Variants in CACNA1B observed in about 807,000 individuals in gnomAD.
CACNA1B encodes the protein voltage-dependent N-type calcium channel subunit alpha-1B.
A neutral mutation model predicts 247.2 loss-of-function variants in CACNA1B; 70 were observed. That is an observed-to-expected ratio of 0.28 (90% CI 0.23 to 0.35). The LOEUF (loss-of-function observed/expected upper bound fraction) is 0.35. Among genes scored for constraint, CACNA1B ranks in the 10% least tolerant of loss-of-function variants. The probability of loss-of-function intolerance (pLI) is 1.00; values close to 1 mark genes in which losing one functional copy is unlikely to be tolerated. For missense variants in CACNA1B, 2,367 were observed against 3,197.4 expected, an observed-to-expected ratio of 0.74 and a Z score of 6.26; for synonymous variants, 1,231 against 1,294.4, an observed-to-expected ratio of 0.95 and a Z score of 1.05.
In CACNA1B at chr9:138,050,021, C is replaced by G; in HGVS notation, c.3710+706C>G. 2.4e-6 allele frequency: 3 copies of G among 1,273,064 alleles called. No homozygotes were observed. The highest frequency in any genetic ancestry group is 3.1e-6 in the Non-Finnish European group (3 of 973,588). The allele number at this position is 1,273,064 out of a possible 1,614,324, so 78.9% of individuals were successfully genotyped here. The stretch of plus-strand genomic sequence containing the variant: ...TCTCTCTGAGCGGCTGGGAGGGCTG[C>G]TCCTGGTGCCACTGACTCTGTTCTC... On this transcript the variant is annotated intron_variant, in intron 24 of 46. Transcript: ENST00000371372. The surrounding 1 kb of genome is among the most constrained non-coding windows in gnomAD (Gnocchi z 5.2).
At chr9:138,112,862 GT>G (rs1961693473) in intron 40 of CACNA1B, among the ~76,000 whole-genome samples, 1 of 142,394 alleles carries the variant, frequency 7.0e-6, no homozygotes, top group African/African-American at 2.6e-5. Context: ...ACTCCATCTT[GT>G]GAGAGACGTG....
At chr9:138,065,442 A>T (rs1959882487) in intron 31 of CACNA1B, among the ~76,000 whole-genome samples, 1 of 152,136 alleles carries the variant, frequency 6.6e-6, no homozygotes, top group African/African-American at 2.4e-5. Flanking sequence ...TTCAGGCAAG[A>T]CAAAGTGAGG....
At chr9:137,941,599 C>T (rs192268491) in intron 6 of CACNA1B, among the ~76,000 whole-genome samples, 1 of 152,246 alleles carries the variant, frequency 6.6e-6, no homozygotes, top group African/African-American at 2.4e-5. Context: ...CAACCTCAAA[C>T]TATAGTATAA....
intron 15 of CACNA1B, among the ~76,000 whole-genome samples, chr9:137,992,226 C>T (rs1958439506): frequency 6.6e-6 from 1 of 152,066 alleles, no homozygotes; most frequent in Non-Finnish European, 1.5e-5. Context: ...CTTACATAAA[C>T]TTAAAGGGGT....
chr9:138,059,571 A>G lies in CACNA1B; in HGVS notation c.4585-83A>G, dbSNP rs1333221573. 11 of 841,868 alleles carry G rather than the reference A, an allele frequency of 1.3e-5. No homozygotes were observed. The highest frequency in any genetic ancestry group is 2.1e-5 in the Non-Finnish European group (10 of 487,670). 52.1% of individuals were successfully genotyped at this position (841,868 alleles called of 1,614,324 possible). On this transcript the variant is annotated intron_variant, in intron 30 of 46. Transcript: ENST00000371372. This position sits in a 1 kb window ranked among gnomAD's most constrained non-coding sequence, Gnocchi z 4.2. The stretch of plus-strand genomic sequence containing the variant: ...GTCTATCACCCTCACCGCTTTCTTA[A>G]TCAGGGCCACCACCTATATATACCT...
Position 138,121,900 on chromosome 9 carries a change from C to A in CACNA1B, c.6921C>A (p.Leu2307=). The A allele has an allele frequency of 6.2e-7, 1 of 1,612,346 alleles. No individual in the cohort carries two copies. Among genetic ancestry groups the A allele is most frequent in the Non-Finnish European group, 8.5e-7 (1 of 1,179,856 alleles). ...CCCTGACCTCCCAGTCTCACCCTCT[C>A]CGCCGCGTGCCCAACGGTTACCACT... ...VSSLTSQSHP[L]RRVPNGYHCT... is the part of the protein sequence containing the mutation. The change falls in exon 47 of 47, where the codon CTC becomes CTA. Residue 2307 remains leucine (L), a synonymous_variant. Coordinates refer to ENST00000371372, the MANE Select transcript of CACNA1B (RefSeq NM_000718.4). The surrounding 1 kb of genome is among the most constrained non-coding windows in gnomAD (Gnocchi z 6.8).
chr9:138,107,687 T>TA (rs1329515168), intron 39 of CACNA1B, among the ~76,000 whole-genome samples: 3 of 151,434 alleles, frequency 2.0e-5, no homozygotes, highest in African/African-American at 7.3e-5. Flanking sequence ...GTGATCAGGT[T>TA]AAAAAAAAGA....
chr9:137,900,879 G>A (rs1009655289), intron 3 of CACNA1B, among the ~76,000 whole-genome samples: 5 of 141,526 alleles, frequency 3.5e-5, no homozygotes, highest in Non-Finnish European at 7.6e-5. Context: ...CCTTGTGTCC[G>A]TGTGTCTGTG....
intron 6 of CACNA1B, among the ~76,000 whole-genome samples, chr9:137,945,260 A>G (rs900904340): frequency 6.6e-6 from 1 of 152,238 alleles, no homozygotes; most frequent in Non-Finnish European, 1.5e-5. Context: ...GCAGGGAATC[A>G]GAGGGAATGG....
At chr9:138,086,613 A>G (rs1960701021) in intron 36 of CACNA1B, among the ~76,000 whole-genome samples, 1 of 151,310 alleles carries the variant, frequency 6.6e-6, no homozygotes, top group Admixed American at 6.6e-5. Context: ...AAATACAACA[A>G]TTGTCAATAT....
chr9:137,972,054 T>A (rs1171732124), intron 11 of CACNA1B, among the ~76,000 whole-genome samples: 4 of 152,010 alleles, frequency 2.6e-5, no homozygotes, highest in Non-Finnish European at 5.9e-5. Context: ...CTTCTTACCC[T>A]CCCCAGGTTC....
rs1957454862 is a variant in CACNA1B, at chr9:137,919,647, G to A, written c.966+2216G>A. ...GACTTTTGTGGCCCCTCGGATATAC[G>A]CTCCTTCAAGCAATGACATCTGGGT... is the stretch of plus-strand genomic sequence containing the variant. On this transcript the variant is annotated intron_variant, in intron 6 of 46. Coordinates refer to ENST00000371372, the MANE Select transcript of CACNA1B (RefSeq NM_000718.4). The surrounding 1 kb of genome is among the most constrained non-coding windows in gnomAD (Gnocchi z 4.6). Among the ~76,000 whole-genome samples, 2 of 152,220 alleles carry A rather than the reference G, an allele frequency of 1.3e-5. No homozygotes were observed. The highest frequency in any genetic ancestry group is 6.5e-5 in the Admixed American group (1 of 15,284).
intron 6 of CACNA1B, among the ~76,000 whole-genome samples, chr9:137,949,317 A>C (rs1957849634): frequency 2.7e-4 from 1 of 3,702 alleles, no homozygotes; most frequent in East Asian, 7.7e-3. Flanking sequence ...TGTGTGGTGT[A>C]CGTATGGTGT....
intron 20 of CACNA1B, among the ~76,000 whole-genome samples, chr9:138,029,940 C>T (rs1350893256): frequency 1.3e-5 from 2 of 152,124 alleles, no homozygotes; most frequent in Non-Finnish European, 2.9e-5. Flanking sequence ...TCAAAATTAA[C>T]TATGTAATTT....
At chr9:138,023,862 C>T (rs1201903403) in intron 19 of CACNA1B, 51 bp downstream of exon 19, 2 of 928,830 alleles carry the variant, frequency 2.2e-6, no homozygotes, top group East Asian at 2.7e-5. Flanking sequence ...GCCGGGGCGG[C>T]GCGGGCCCCA....
intron 16 of CACNA1B, among the ~76,000 whole-genome samples, chr9:138,008,867 G>T (rs1049534570): frequency 1.4e-4 from 21 of 152,380 alleles, no homozygotes; most frequent in Admixed American, 1.1e-3. Context: ...GAGACCAAGG[G>T]TGCTGCCTGC....
intron 3 of CACNA1B, among the ~76,000 whole-genome samples, chr9:137,886,064 A>G (rs1431287510): frequency 6.6e-6 from 1 of 150,886 alleles, no homozygotes; most frequent in Non-Finnish European, 1.5e-5. Flanking sequence ...CCTCCTTTCC[A>G]GGAGGGCTCC....
chr9:138,039,245 C>T lies in CACNA1B; in HGVS notation c.3287-4529C>T, dbSNP rs191203210. On this transcript the variant is annotated intron_variant, in intron 20 of 46. Transcript: ENST00000371372. Reference sequence around the variant, plus strand: ...AAAGAGAAAAATATGTCATTAATTCCGTGGCATTTGTAATTCAAATAGAAG... The same window carrying T: ...AAAGAGAAAAATATGTCATTAATTCTGTGGCATTTGTAATTCAAATAGAAG... Among the ~76,000 whole-genome samples the T allele has an allele frequency of 1.3e-4, 20 of 151,944 alleles. No homozygotes were observed. In the East Asian group the frequency reaches 2.9e-3, roughly 22 times the overall value.
chr9:138,047,718 C>T (rs551922950), intron 23 of CACNA1B, among the ~76,000 whole-genome samples: 1 of 152,364 alleles, frequency 6.6e-6, no homozygotes, highest in African/African-American at 2.4e-5. Context: ...GTTTCTTGAA[C>T]ACATGAGCTA....
Sources: gnomAD v4.1 joint callset for allele counts (sites outside exome capture counted in the v4.1 genomes callset) on GRCh38, gnomAD v4.1.1 for gene constraint, Gnocchi (gnomAD v3.1) non-coding constraint, MANE v1.5 for transcripts, NCBI Gene and HGNC (gene_info 2026-07-23, HGNC 2026-07-21) for gene names.